Variants in TRPC4 observed in about 807,000 individuals in gnomAD.
TRPC4 encodes the protein short transient receptor potential channel 4.
A neutral mutation model predicts 99.4 loss-of-function variants in TRPC4; 49 were observed. The ratio of observed to expected loss-of-function variants is 0.49; its 90% CI spans 0.39 to 0.63. The LOEUF is 0.63. Ranked by LOEUF, TRPC4 falls within the 20% of genes least tolerant of loss-of-function variation. The pLI is 0.00. For missense variants in TRPC4, 898 were observed against 1,152.9 expected (o/e 0.78, Z 3.20); for synonymous variants, 454 against 425.9 (o/e 1.07, Z -0.81).
chr13:37,759,134 G>C (rs1486353178), intron 2 of TRPC4, among the ~76,000 whole-genome samples: 1 of 151,666 alleles, frequency 6.6e-6, no homozygotes, highest in African/African-American at 2.4e-5. Context: ...TTTTGATTAT[G>C]TATTTAAAGT....
chr13:37,761,359 C>T (rs1956218092), intron 2 of TRPC4, among the ~76,000 whole-genome samples: 1 of 151,834 alleles, frequency 6.6e-6, no homozygotes. Flanking sequence ...TCCATGCAGC[C>T]TGACTCCAGA....
At chr13:37,753,559 A>AAGAGAG (rs770462488) in intron 2 of TRPC4, among the ~76,000 whole-genome samples, 2 of 131,746 alleles carry the variant, frequency 1.5e-5, no homozygotes, top group African/African-American at 5.8e-5. Flanking sequence ...CAGAGAAAGA[A>AAGAGAG]AGAGAGAGAG....
intron 1 of TRPC4, among the ~76,000 whole-genome samples, chr13:37,855,310 TATACACATGTAG>T (rs1263881004): frequency 6.9e-6 from 1 of 145,756 alleles, no homozygotes; most frequent in African/African-American, 2.6e-5. Context: ...TATATATATA[TATACACATGTAG>T]ATATATACAA....
rs775364702 is a variant in TRPC4 at position 37,649,731 on chromosome 13, C to CAAA, written c.2079+1531_2079+1533dup. On this transcript the variant is annotated intron_variant, in intron 8 of 10. Coordinates refer to ENST00000379705, the MANE Select transcript of TRPC4 (RefSeq NM_016179.4). The stretch of plus-strand genomic sequence containing the variant: ...TGGGCAACTGAGCGAGACTCCGTCT[C>CAAA]AAAAAAAAAAAAAAAAAAAAAAAAA... Among the ~76,000 whole-genome samples the CAAA allele has an allele frequency of 4.0e-3, 248 of 62,706 alleles. 11 individuals carry two copies. Among genetic ancestry groups the CAAA allele is most frequent in the East Asian group, 0.02 (16 of 784 alleles). The allele number at this position is 62,706 out of a possible 152,430, so 41.1% of individuals were successfully genotyped here.
intron 1 of TRPC4, among the ~76,000 whole-genome samples, chr13:37,794,876 T>C (rs1422833152): frequency 1.3e-5 from 2 of 152,186 alleles, no homozygotes; most frequent in Non-Finnish European, 2.9e-5. Flanking sequence ...TCCAGAATTC[T>C]GTAACTGTTC....
At chr13:37,847,598 G>C (rs554131256) in intron 1 of TRPC4, among the ~76,000 whole-genome samples, 4 of 152,016 alleles carry the variant, frequency 2.6e-5, no homozygotes, top group Non-Finnish European at 2.9e-5. Context: ...AAAATTTATA[G>C]ATGTATCAGA....
At chr13:37,788,059 T>C (rs1411828080) in intron 1 of TRPC4, among the ~76,000 whole-genome samples, 3 of 152,050 alleles carry the variant, frequency 2.0e-5, no homozygotes, top group African/African-American at 7.2e-5. Context: ...TAATGTGTAA[T>C]AGTCAAAGTT....
At chr13:37,748,931 G>T (rs148382834) in intron 2 of TRPC4, among the ~76,000 whole-genome samples, 3 of 152,270 alleles carry the variant, frequency 2.0e-5, no homozygotes, top group African/African-American at 7.2e-5. Context: ...TGGTTGGTCA[G>T]TAATGATATG....
intron 5 of TRPC4, among the ~76,000 whole-genome samples, chr13:37,664,569 C>T (rs1227704032): frequency 1.6e-5 from 2 of 126,488 alleles, no homozygotes; most frequent in Admixed American, 7.8e-5. Context: ...AGTGAAACTC[C>T]ATCTCAAAAG....
chr13:37,859,128 G>C (rs1179131005), intron 1 of TRPC4, among the ~76,000 whole-genome samples: 1 of 151,226 alleles, frequency 6.6e-6, no homozygotes, highest in Admixed American at 6.6e-5. Flanking sequence ...TTACAGATAG[G>C]ACATGGTGAA....
chr13:37,707,852 C>G (rs1954340562), intron 3 of TRPC4, among the ~76,000 whole-genome samples: 1 of 152,120 alleles, frequency 6.6e-6, no homozygotes. Flanking sequence ...ACTGATTCAT[C>G]TTACTCTTTC....
chr13:37,813,009 A>T (rs962761582), intron 1 of TRPC4, among the ~76,000 whole-genome samples: 4 of 152,014 alleles, frequency 2.6e-5, no homozygotes, highest in African/African-American at 9.7e-5. Flanking sequence ...TTGAAAAAAA[A>T]GTCAATCTAG....
At chr13:37,784,967 A>G (rs1257768097) in intron 1 of TRPC4, among the ~76,000 whole-genome samples, 3 of 152,042 alleles carry the variant, frequency 2.0e-5, no homozygotes, top group South Asian at 2.1e-4. Flanking sequence ...AGCTACCTTC[A>G]CAGACTAAGC....
At chr13:37,741,656 C>T (rs981971796) in intron 3 of TRPC4, among the ~76,000 whole-genome samples, 6 of 151,878 alleles carry the variant, frequency 4.0e-5, no homozygotes, top group East Asian at 1.9e-4. Context: ...TTCATCACAA[C>T]GTGAAAGCAA....
At chr13:37,671,602 A>G (rs917029716) in intron 5 of TRPC4, among the ~76,000 whole-genome samples, 19 of 152,082 alleles carry the variant, frequency 1.2e-4, no homozygotes, top group Non-Finnish European at 2.5e-4. Context: ...AAACTAATTT[A>G]GTGTGCTTAT....
chr13:37,737,882 A>C (rs2139117147), intron 3 of TRPC4, among the ~76,000 whole-genome samples: 1 of 152,284 alleles, frequency 6.6e-6, no homozygotes, highest in South Asian at 2.1e-4. Context: ...GATGATCAGA[A>C]ATTTACATGG....
intron 1 of TRPC4, among the ~76,000 whole-genome samples, chr13:37,839,147 A>G (rs1347990385): frequency 2.6e-5 from 4 of 152,314 alleles, no homozygotes; most frequent in South Asian, 2.1e-4. Flanking sequence ...GGGCAGTACC[A>G]AGAGGAATTC....
intron 5 of TRPC4, among the ~76,000 whole-genome samples, chr13:37,670,918 C>T (rs1244602328): frequency 1.3e-5 from 2 of 152,176 alleles, no homozygotes; most frequent in African/African-American, 4.8e-5. Flanking sequence ...GTACTGTCCT[C>T]TGTATAATTC....
chr13:37,654,646 T>C (rs1009535050), intron 7 of TRPC4, among the ~76,000 whole-genome samples: 2 of 152,212 alleles, frequency 1.3e-5, no homozygotes, highest in South Asian at 2.1e-4. Flanking sequence ...CTTTAAGAAA[T>C]TGAAAATCCT....
Sources: gnomAD v4.1 joint callset for allele counts (sites outside exome capture counted in the v4.1 genomes callset) on GRCh38, gnomAD v4.1.1 for gene constraint, MANE v1.5 for transcripts, NCBI Gene and HGNC (gene_info 2026-07-23, HGNC 2026-07-21) for gene names.